The following RFX2 variants were observed in gnomAD, a reference collection of about 807,000 sequenced individuals.
RFX2 encodes regulatory factor X2.
A neutral mutation model predicts 87.8 loss-of-function variants in RFX2; 20 were observed. That is an observed-to-expected ratio of 0.23 (90% CI 0.16 to 0.33). The LOEUF (loss-of-function observed/expected upper bound fraction) is 0.33, where lower values mean the gene tolerates loss of function less well. RFX2 is among the 10% of genes least tolerant of loss of function. The pLI, the probability that RFX2 is intolerant of heterozygous loss-of-function variation, is 1.00. For missense variants in RFX2, 767 were observed against 1,012.3 expected (o/e 0.76, Z 3.29); for synonymous variants, 397 against 431.3 (o/e 0.92, Z 0.98).
chr19:6,023,940 C>T lies in RFX2; in HGVS notation c.597+2223G>A, dbSNP rs576479437. 7.4e-4 allele frequency among the ~76,000 whole-genome samples: 112 copies of T among 152,230 alleles called. No individual in the cohort carries two copies. The highest frequency in any genetic ancestry group is 1.4e-3 in the Admixed American group (22 of 15,290). The stretch of plus-strand genomic sequence containing the variant: ...GACTACAGGCATGTGCCACCACGCC[C>T]GGCTAATATTTGTATTTTTGGTAGA... On this transcript the variant is annotated intron_variant, in intron 6 of 17. Coordinates refer to ENST00000303657, the MANE Select transcript of RFX2 (RefSeq NM_000635.4). This position sits in a 1 kb window ranked among gnomAD's most constrained non-coding sequence, Gnocchi z 4.9.
rs1568508222 is a variant in RFX2, at chr19:6,017,121, T to A, written c.598-850A>T. Among the ~76,000 whole-genome samples the A allele has an allele frequency of 6.6e-6, 1 of 152,122 alleles. No homozygotes were observed. Among genetic ancestry groups the A allele is most frequent in the African/African-American group, 2.4e-5 (1 of 41,410 alleles). On this transcript the variant is annotated intron_variant, in intron 6 of 17. Coordinates refer to ENST00000303657, the MANE Select transcript of RFX2 (RefSeq NM_000635.4). This position sits in a 1 kb window ranked among gnomAD's most constrained non-coding sequence, Gnocchi z 4.1. ...AGTCAAAAGGCAGGACATAGCTACT[T>A]GGGAGGCTGAGGTGGGAGGATTGCT...
chr19:6,044,458 C>A lies in RFX2; in HGVS notation c.91-176G>T, dbSNP rs184702235. On this transcript the variant is annotated intron_variant, in intron 2 of 17. Coordinates refer to ENST00000303657, the MANE Select transcript of RFX2 (RefSeq NM_000635.4). The surrounding 1 kb of genome is among the most constrained non-coding windows in gnomAD (Gnocchi z 5.3). ...ACTTGCACACTCACACCGACCTGGG[C>A]AGACACACGGCAGGTACGTGCAGGC... 6.6e-6 allele frequency among the ~76,000 whole-genome samples: 1 copy of A among 152,360 alleles called. No individual in the cohort carries two copies. The highest frequency in any genetic ancestry group is 1.9e-4 in the East Asian group (1 of 5,190).
In RFX2 at chr19:6,088,441, C is replaced by T. The variant is rs111713506; in HGVS notation, c.-9+21952G>A. On this transcript the variant is annotated intron_variant, in intron 1 of 17. Coordinates refer to ENST00000303657, the MANE Select transcript of RFX2 (RefSeq NM_000635.4). ...GGTCAGACTGGTCTCGAACTCTCGA[C>T]CTCAGGTGATCCACCCGCCTCAGCC... Among the ~76,000 whole-genome samples the T allele has an allele frequency of 7.0e-3, 1,062 of 152,108 alleles. 19 individuals carry two copies. The highest frequency in any genetic ancestry group is 0.024 in the African/African-American group (1,002 of 41,462).
At chr19:6,073,044 A>T in intron 1 of RFX2, 1 of 480,574 alleles carries the variant, frequency 2.1e-6, no homozygotes, top group South Asian at 2.1e-5. Context: ...CAGTGGTGCG[A>T]TCTCAGCTCA....
Position 6,037,957 on chromosome 19 carries a change from CA to C in RFX2, c.522+2022del, listed in dbSNP as rs58881565. The stretch of plus-strand genomic sequence containing the variant: ...CTAGAACAACACATTGTTTCATAAG[CA>C]AAAAAAAATGAACCTCAACTTAAAC... On this transcript the variant is annotated intron_variant, in intron 5 of 17. Transcript: ENST00000303657. Among the ~76,000 whole-genome samples, 372 of 148,246 alleles carry C rather than the reference CA, an allele frequency of 2.5e-3. 1 individual carries two copies. The highest frequency in any genetic ancestry group is 8.2e-3 in the African/African-American group (331 of 40,440).
At position 6,004,414 on chromosome 19, in the gene RFX2, G is replaced by A. The variant is rs45526738; in HGVS notation, c.1403-116C>T. ...GATGAAAATGACCACCATGAAGAAC[G>A]AGCCACACAGGCGACGGGGAACCGA... On this transcript the variant is annotated intron_variant, in intron 12 of 17. Coordinates refer to ENST00000303657, the MANE Select transcript of RFX2 (RefSeq NM_000635.4). The surrounding 1 kb of genome is among the most constrained non-coding windows in gnomAD (Gnocchi z 4.8). 0.012 allele frequency: 10,179 copies of A among 841,930 alleles called. 90 individuals are homozygous for A. The highest frequency in any genetic ancestry group is 0.015 in the Non-Finnish European group (7,292 of 494,884). The allele number at this position is 841,930 out of a possible 1,614,324, so 52.2% of individuals were successfully genotyped here. A position where few individuals can be genotyped will look rare whatever the true frequency, so the allele number is the denominator to read the frequency against.
intron 17 of RFX2, among the ~76,000 whole-genome samples, chr19:5,995,338 G>C (rs560368822): frequency 6.6e-6 from 1 of 152,176 alleles, no homozygotes; most frequent in Non-Finnish European, 1.5e-5. Flanking sequence ...ACCAGGGGCT[G>C]CCTAGTCTGG....
intron 1 of RFX2, among the ~76,000 whole-genome samples, chr19:6,082,867 G>A (rs2144862775): frequency 6.6e-6 from 1 of 152,258 alleles, no homozygotes; most frequent in East Asian, 1.9e-4. Flanking sequence ...TAGAGCCTGG[G>A]GCAAAGAGGA....
intron 1 of RFX2, among the ~76,000 whole-genome samples, chr19:6,077,794 C>A (rs2087713995): frequency 6.6e-6 from 1 of 151,950 alleles, no homozygotes; most frequent in South Asian, 2.1e-4. Flanking sequence ...CCAGCCTGAC[C>A]AACATGGAGA....
At chr19:6,006,461 T>C (rs1054331035) in intron 12 of RFX2, among the ~76,000 whole-genome samples, 15 of 98,942 alleles carry the variant, frequency 1.5e-4, no homozygotes, top group African/African-American at 6.9e-4. Flanking sequence ...GCCCAGCTCA[T>C]TTTTTTTTTT....
intron 1 of RFX2, among the ~76,000 whole-genome samples, chr19:6,051,649 T>C (rs2087267659): frequency 6.6e-6 from 1 of 152,038 alleles, no homozygotes; most frequent in Non-Finnish European, 1.5e-5. Context: ...ATGGCACAAA[T>C]AGAAAGCAAA....
chr19:6,104,965 A>G (rs956824045), intron 1 of RFX2, among the ~76,000 whole-genome samples: 5 of 151,986 alleles, frequency 3.3e-5, no homozygotes, highest in African/African-American at 1.2e-4. Flanking sequence ...TAAAAATACA[A>G]CAATTAGCTG....
At chr19:6,005,100 ACT>A (rs1029925216) in intron 12 of RFX2, among the ~76,000 whole-genome samples, 1 of 152,082 alleles carries the variant, frequency 6.6e-6, no homozygotes. Context: ...CAAGAGCAAA[ACT>A]CTGTCTTAAA....
At position 6,083,599 on chromosome 19, in the gene RFX2, G is replaced by A. The variant is rs2087815819; in HGVS notation, c.-9+26794C>T. ...ATTTATTTATTTATTCTGAGGCCGG[G>A]TCTTGCTCTGTCATCCAGGCTGGAG... On this transcript the variant is annotated intron_variant, in intron 1 of 17. Transcript: ENST00000303657. The surrounding 1 kb of genome is among the most constrained non-coding windows in gnomAD (Gnocchi z 4.6). Among the ~76,000 whole-genome samples the A allele has an allele frequency of 6.6e-6, 1 of 150,722 alleles. No individual in the cohort carries two copies. Among genetic ancestry groups the A allele is most frequent in the Non-Finnish European group, 1.5e-5 (1 of 67,868 alleles).
chr19:6,099,282 G>T (rs767102524), intron 1 of RFX2, among the ~76,000 whole-genome samples: 7 of 152,158 alleles, frequency 4.6e-5, no homozygotes, highest in Non-Finnish European at 8.8e-5. Flanking sequence ...AGACTCAGCA[G>T]CAGCTCTGTT....
At chr19:6,080,644 G>A (rs143084404) in intron 1 of RFX2, among the ~76,000 whole-genome samples, 133 of 152,284 alleles carry the variant, frequency 8.7e-4, no homozygotes, top group African/African-American at 3.1e-3. Flanking sequence ...GCCAACCTTG[G>A]GAGGATGTGG....
rs2086514498 is a variant in RFX2 at position 6,002,976 on chromosome 19, C to A, written c.1501-106G>T. On this transcript the variant is annotated intron_variant, in intron 13 of 17. Transcript: ENST00000303657. The surrounding 1 kb of genome is among the most constrained non-coding windows in gnomAD (Gnocchi z 6.7). ...CAGGGACAACACAGGGAGGAGGGAG[C>A]AGGAAACAGCAACCTGGGCAGGGAA... The A allele has an allele frequency of 4.0e-6, 5 of 1,260,430 alleles. No homozygotes were observed. In the Admixed American group the frequency reaches 7.0e-5, roughly 18 times the overall value. 78.1% of individuals were successfully genotyped at this position (1,260,430 alleles called of 1,614,324 possible). A position where few individuals can be genotyped will look rare whatever the true frequency, so the allele number is the denominator to read the frequency against.
chr19:6,098,965 C>CAAAAAAAAAAAAA (rs34110529), intron 1 of RFX2, among the ~76,000 whole-genome samples: 6 of 52,792 alleles, frequency 1.1e-4, no homozygotes, highest in African/African-American at 3.1e-4. Context: ...GCTTGAACCA[C>CAAAAAAAAAAAAA]AAAAAAAAAA....
chr19:6,012,988 G>A lies in RFX2; in HGVS notation c.897C>T (p.Pro299=). ...TCCCAGCTCGGCCCGGCACCCACCTGGGCTTCTGGTGCATGGGCTGCTGCC... is the reference window on the plus strand; with the variant it reads ...TCCCAGCTCGGCCCGGCACCCACCTAGGCTTCTGGTGCATGGGCTGCTGCC... The part of the protein sequence containing the change: ...AMRQQPMHQK[P]RYRPAQKTDS... Residue 299 remains proline (P), a splice_region_variant and synonymous_variant, in exon 8 of 18, where the codon CCC becomes CCT. Coordinates refer to ENST00000303657, the MANE Select transcript of RFX2 (RefSeq NM_000635.4). This position sits in a 1 kb window ranked among gnomAD's most constrained non-coding sequence, Gnocchi z 4.6. 1 of 1,549,836 alleles carries A rather than the reference G, an allele frequency of 6.5e-7. No individual in the cohort carries two copies. Among genetic ancestry groups the A allele is most frequent in the South Asian group, 1.2e-5 (1 of 82,246 alleles).
Sources: gnomAD v4.1 joint callset for allele counts (sites outside exome capture counted in the v4.1 genomes callset) on GRCh38, gnomAD v4.1.1 for gene constraint, Gnocchi (gnomAD v3.1) non-coding constraint, MANE v1.5 for transcripts, NCBI Gene and HGNC (gene_info 2026-07-23, HGNC 2026-07-21) for gene names.